Variants in ST6GALNAC3 observed in about 807,000 individuals in gnomAD.
ST6GALNAC3 encodes the protein alpha-N-acetylgalactosaminide alpha-2,6-sialyltransferase 3.
A neutral mutation model predicts 32.7 loss-of-function variants in ST6GALNAC3; 25 were observed. The ratio of observed to expected loss-of-function variants is 0.76; its 90% confidence interval spans 0.56 to 1.07. The LOEUF is 1.07. Ranked by LOEUF, ST6GALNAC3 falls within the 50% of genes least tolerant of loss-of-function variation. The probability of loss-of-function intolerance (pLI) is 0.00; values close to 1 mark genes in which losing one functional copy is unlikely to be tolerated. For synonymous variants in ST6GALNAC3, 129 were observed against 133.1 expected (o/e 0.97, Z 0.21); for missense variants, 355 against 382.4 (o/e 0.93, Z 0.60).
intron 3 of ST6GALNAC3, among the ~76,000 whole-genome samples, chr1:76,564,529 A>C (rs1391861530): frequency 6.6e-6 from 1 of 151,776 alleles, no homozygotes; most frequent in African/African-American, 2.4e-5. Flanking sequence ...AATTGGTGAT[A>C]TCAAAAGACA....
intron 2 of ST6GALNAC3, among the ~76,000 whole-genome samples, chr1:76,340,947 G>A (rs1319850427): frequency 1.3e-5 from 2 of 151,806 alleles, no homozygotes; most frequent in Non-Finnish European, 2.9e-5. Flanking sequence ...TGAAGAATCC[G>A]CTTGTAACTG....
intron 1 of ST6GALNAC3, among the ~76,000 whole-genome samples, chr1:76,175,002 T>C (rs1652762672): frequency 6.6e-6 from 1 of 152,188 alleles, no homozygotes; most frequent in Non-Finnish European, 1.5e-5. Context: ...TACTTAATGA[T>C]ACCTATTACA....
intron 1 of ST6GALNAC3, among the ~76,000 whole-genome samples, chr1:76,257,038 C>T (rs1479646222): frequency 1.3e-5 from 2 of 152,090 alleles, no homozygotes; most frequent in Non-Finnish European, 2.9e-5. Flanking sequence ...CTAGCTATTA[C>T]GAGTGAGCCA....
intron 4 of ST6GALNAC3, among the ~76,000 whole-genome samples, chr1:76,627,832 C>T (rs1649070209): frequency 6.6e-6 from 1 of 151,864 alleles, no homozygotes; most frequent in South Asian, 2.1e-4. Context: ...CTTGAAAATA[C>T]AGAAGAAGTT....
At chr1:76,112,595 C>G (rs6593524) in intron 1 of ST6GALNAC3, among the ~76,000 whole-genome samples, 42,460 of 149,454 alleles carry the variant, frequency 0.28, 7,513 homozygotes, top group African/African-American at 0.51. Context: ...GTGGCTGCCG[C>G]GCGGAGGGGC....
chr1:76,246,654 C>G (rs145344187), intron 1 of ST6GALNAC3, among the ~76,000 whole-genome samples: 240 of 152,288 alleles, frequency 1.6e-3, no homozygotes, highest in African/African-American at 5.6e-3. Context: ...TCAGCTCCAT[C>G]AGGTCATTTA....
intron 1 of ST6GALNAC3, among the ~76,000 whole-genome samples, chr1:76,195,223 A>G (rs1654131246): frequency 6.6e-6 from 1 of 152,200 alleles, no homozygotes; most frequent in Non-Finnish European, 1.5e-5. Context: ...TTTAGAAGAA[A>G]ACATCTGCCA....
intron 1 of ST6GALNAC3, among the ~76,000 whole-genome samples, chr1:76,129,885 A>T (rs527966347): frequency 6.6e-6 from 1 of 152,282 alleles, no homozygotes; most frequent in South Asian, 2.1e-4. Flanking sequence ...GAGCCTGCTG[A>T]TACCCCTCAC....
At chr1:76,573,276 C>T (rs754336214) in intron 3 of ST6GALNAC3, among the ~76,000 whole-genome samples, 1 of 152,074 alleles carries the variant, frequency 6.6e-6, no homozygotes, top group South Asian at 2.1e-4. Context: ...CAGTCACTTG[C>T]TGAAATGTCA....
At chr1:76,525,141 G>T (rs1662787119) in intron 3 of ST6GALNAC3, among the ~76,000 whole-genome samples, 1 of 152,006 alleles carries the variant, frequency 6.6e-6, no homozygotes, top group Admixed American at 6.6e-5. Context: ...GGAAAATGAG[G>T]TCTATTCAAA....
At chr1:76,197,993 A>G (rs1255006606) in intron 1 of ST6GALNAC3, among the ~76,000 whole-genome samples, 2 of 152,024 alleles carry the variant, frequency 1.3e-5, no homozygotes, top group Admixed American at 6.6e-5. Context: ...GTTGAAAACA[A>G]CTGTTACAGA....
chr1:76,449,347 C>T (rs924663056), intron 3 of ST6GALNAC3, among the ~76,000 whole-genome samples: 30 of 152,146 alleles, frequency 2.0e-4, no homozygotes, highest in Admixed American at 1.2e-3. Context: ...TTGTTTGCTT[C>T]CATGTTTTGG....
chr1:76,120,948 C>G (rs1648835011), intron 1 of ST6GALNAC3, among the ~76,000 whole-genome samples: 1 of 152,184 alleles, frequency 6.6e-6, no homozygotes, highest in Non-Finnish European at 1.5e-5. Context: ...TTTCCAGCTC[C>G]TAGAGGCTTC....
intron 1 of ST6GALNAC3, among the ~76,000 whole-genome samples, chr1:76,284,640 A>G (rs1450304649): frequency 6.6e-6 from 1 of 151,808 alleles, no homozygotes; most frequent in Non-Finnish European, 1.5e-5. Flanking sequence ...TTTTTGCAAG[A>G]GACTTTTTAA....
At position 76,628,704 on chromosome 1, in the gene ST6GALNAC3, C is replaced by A. The variant is rs1280829370; in HGVS notation, c.816C>A (p.Ala272=). The A allele has an allele frequency of 7.4e-6, 12 of 1,612,176 alleles. No homozygotes were observed. Among genetic ancestry groups the A allele is most frequent in the Non-Finnish European group, 1.0e-5 (12 of 1,178,976 alleles). Residue 272 remains alanine, a synonymous_variant, in exon 5 of 5, where the codon GCC becomes GCA. Transcript: ENST00000328299. ...ECDEYFLHEH[A]PYGGHRFITE... ...ATGAATATTTTCTTCATGAACATGC[C>A]CCATATGGGGGTCATAGGTTTATCA...
At chr1:76,329,940 C>G (rs1245868438) in intron 2 of ST6GALNAC3, among the ~76,000 whole-genome samples, 1 of 151,916 alleles carries the variant, frequency 6.6e-6, no homozygotes, top group Non-Finnish European at 1.5e-5. Flanking sequence ...TCCCAAGTAG[C>G]TGGGATTACA....
intron 1 of ST6GALNAC3, among the ~76,000 whole-genome samples, chr1:76,273,318 G>A (rs57964070): frequency 0.016 from 2,375 of 147,752 alleles, 53 homozygotes; most frequent in African/African-American, 0.053. Context: ...AAAAAAATAG[G>A]AAAAAAAAAC....
intron 2 of ST6GALNAC3, among the ~76,000 whole-genome samples, chr1:76,390,660 C>T (rs1292290804): frequency 6.6e-6 from 1 of 152,138 alleles, no homozygotes; most frequent in African/African-American, 2.4e-5. Context: ...ATGCTCAGAG[C>T]TTGCCAGCCC....
rs546499615 is a variant in ST6GALNAC3, at chr1:76,121,213, C to T, written c.18+46329C>T. ...CAGGTTTTGGAGATTAGGATGTTGGCATTTTGTGGGCCAATCTTCTGCTTA... is the reference window on the plus strand; with the variant it reads ...CAGGTTTTGGAGATTAGGATGTTGGTATTTTGTGGGCCAATCTTCTGCTTA... On this transcript the variant is annotated intron_variant, in intron 1 of 4. Transcript: ENST00000328299. 4.6e-5 allele frequency among the ~76,000 whole-genome samples: 7 copies of T among 152,302 alleles called. No homozygotes were observed. In the South Asian group the frequency reaches 1.2e-3, roughly 27 times the overall value.
Sources: allele counts gnomAD v4.1 joint callset (sites outside exome capture counted in the v4.1 genomes callset), GRCh38; gene constraint gnomAD v4.1.1; transcripts MANE v1.5; gene names NCBI Gene and HGNC (gene_info 2026-07-23, HGNC 2026-07-21).